Variants in PCDH19 observed in about 807,000 individuals in gnomAD.
The protein encoded by PCDH19 is protocadherin-19.
A neutral mutation model predicts 46.2 loss-of-function variants in PCDH19; 6 were observed. That is an observed-to-expected ratio of 0.13 (90% CI 0.07 to 0.26). The LOEUF (loss-of-function observed/expected upper bound fraction) is 0.26, where lower values mean the gene tolerates loss of function less well. Ranked by LOEUF, PCDH19 falls within the 10% of genes least tolerant of loss-of-function variation. The probability of loss-of-function intolerance (pLI) is 1.00; values close to 1 mark genes in which losing one functional copy is unlikely to be tolerated. For missense variants in PCDH19, 740 were observed against 972.3 expected, an observed-to-expected ratio of 0.76 and a Z score of 3.18; for synonymous variants, 481 against 415.7, an observed-to-expected ratio of 1.16 and a Z score of -1.91.
At chrX:100,372,760 T>C (rs1348508107) in intron 3 of PCDH19, among the ~76,000 whole-genome samples, 1 of 112,389 alleles carries the variant, frequency 8.9e-6, no homozygotes, top group Non-Finnish European at 1.9e-5. Flanking sequence ...TTCTAGCTGG[T>C]GTAGAAGAAA....
At chrX:100,324,549 CA>C (rs1160515805) in intron 5 of PCDH19, among the ~76,000 whole-genome samples, 10 of 111,734 alleles carry the variant, frequency 8.9e-5, no homozygotes, top group Admixed American at 3.8e-4. Flanking sequence ...AATGTCTTAA[CA>C]ATTATCAACT....
intron 3 of PCDH19, among the ~76,000 whole-genome samples, chrX:100,370,993 ATGTGTGTG>A (rs59834814): frequency 1.0e-3 from 100 of 98,381 alleles, no homozygotes; most frequent in Admixed American, 1.5e-3. Flanking sequence ...GTGTGTGTGC[ATGTGTGTG>A]TGTGTGTGTG....
At chrX:100,361,588 T>C (rs1926883026) in intron 3 of PCDH19, among the ~76,000 whole-genome samples, 1 of 112,154 alleles carries the variant, frequency 8.9e-6, no homozygotes, top group African/African-American at 3.2e-5. Context: ...ACAAAAAAAC[T>C]TGCCTTTTCT....
intron 5 of PCDH19, among the ~76,000 whole-genome samples, chrX:100,300,540 G>A (rs952890856): frequency 1.8e-4 from 20 of 111,909 alleles, no homozygotes; most frequent in African/African-American, 6.5e-4. Flanking sequence ...CCTGAACCTA[G>A]GCAAAGCAAA....
chrX:100,405,888 C>T (rs1928331421), intron 1 of PCDH19, among the ~76,000 whole-genome samples: 1 of 111,280 alleles, frequency 9.0e-6, no homozygotes, highest in African/African-American at 3.3e-5. Context: ...CAAGAATAAA[C>T]TAAAAACCAC....
In PCDH19 at chrX:100,409,020, G is replaced by C. The variant is rs111823340; in HGVS notation, c.-423C>G. 1 of 112,357 alleles carries C rather than the reference G, an allele frequency of 8.9e-6. No individual in the cohort carries two copies. The highest frequency in any genetic ancestry group is 3.2e-5 in the African/African-American group (1 of 31,068). 9.3% of individuals were successfully genotyped at this position (112,357 alleles called of 1,213,427 possible). On this transcript the variant is annotated 5_prime_UTR_variant, in exon 1 of 6. Transcript: ENST00000373034. The stretch of plus-strand genomic sequence containing the variant: ...CAGTACTTGAGGCGAAGGTAAAGAG[G>C]GCGGAGGAGGCGCAGCCTTTCAGGC...
intron 5 of PCDH19, among the ~76,000 whole-genome samples, chrX:100,327,126 T>G (rs1925718498): frequency 8.9e-6 from 1 of 111,820 alleles, no homozygotes; most frequent in Admixed American, 9.5e-5. Context: ...AGCAAACAGA[T>G]GAGGGGCTTT....
At chrX:100,393,190 T>G (rs187909090) in intron 3 of PCDH19, among the ~76,000 whole-genome samples, 1 of 110,021 alleles carries the variant, frequency 9.1e-6, no homozygotes, top group Admixed American at 9.7e-5. Context: ...CTCTGAGAGA[T>G]CTATCCTTGA....
chrX:100,374,795 C>T (rs1053564541), intron 3 of PCDH19, among the ~76,000 whole-genome samples: 3 of 110,842 alleles, frequency 2.7e-5, no homozygotes, highest in African/African-American at 6.6e-5. Context: ...AAAAAATAGC[C>T]GGGCATGGTG....
At position 100,408,732 on chromosome X, in the gene PCDH19, C is replaced by T; in HGVS notation, c.-135G>A. The T allele has an allele frequency of 4.8e-6, 2 of 414,427 alleles. No individual in the cohort carries two copies. The highest frequency in any genetic ancestry group is 7.2e-6 in the Non-Finnish European group (2 of 276,214). 34.2% of individuals were successfully genotyped at this position (414,427 alleles called of 1,213,427 possible). A position where few individuals can be genotyped will look rare whatever the true frequency, so the allele number is the denominator to read the frequency against. On this transcript the variant is annotated 5_prime_UTR_variant, in exon 1 of 6. Transcript: ENST00000373034. ...GCCCCGGAGGCCGCGGGAGAAGTCCCGCCCAGGGCGGCCCGGCGGCGCGCG... is the reference window on the plus strand; with the variant it reads ...GCCCCGGAGGCCGCGGGAGAAGTCCTGCCCAGGGCGGCCCGGCGGCGCGCG...
In PCDH19 at chrX:100,379,872, CAT is replaced by C. The variant is rs1459665674; in HGVS notation, c.2616+22650_2616+22651del. The stretch of plus-strand genomic sequence containing the variant: ...CCTAAAACACTATCTTACTGAGCTG[CAT>C]CTGCACACCACCCATTGACATTGGT... On this transcript the variant is annotated intron_variant, in intron 3 of 5. Transcript: ENST00000373034. Among the ~76,000 whole-genome samples, 3 of 111,771 alleles carry C rather than the reference CAT, an allele frequency of 2.7e-5. 1 individual carries two copies. The Admixed American group carries it at 2.8e-4, about 11-fold the overall frequency.
In PCDH19 at chrX:100,331,748, C is replaced by T. The variant is rs139634725; in HGVS notation, c.2848+10155G>A. On this transcript the variant is annotated intron_variant, in intron 5 of 5. Transcript: ENST00000373034. ...AAAGTATAGCACTTTCTCATTCCCT[C>T]ATTCTCTCTCTCTCCTGTCACTTTG... Among the ~76,000 whole-genome samples the T allele has an allele frequency of 9.6e-3, 1,068 of 111,726 alleles. 7 individuals are homozygous for T. Among genetic ancestry groups the T allele is most frequent in the Middle Eastern group, 0.047 (10 of 215 alleles).
At chrX:100,381,821 C>A (rs1236813064) in intron 3 of PCDH19, among the ~76,000 whole-genome samples, 1 of 111,881 alleles carries the variant, frequency 8.9e-6, no homozygotes, top group Admixed American at 9.5e-5. Context: ...ACACAAGCAA[C>A]TAGAAAGCTG....
At chrX:100,322,863 A>T (rs192895640) in intron 5 of PCDH19, among the ~76,000 whole-genome samples, 5,785 of 40,039 alleles carry the variant, frequency 0.14, 827 homozygotes, top group African/African-American at 0.39. Context: ...ATATATATAT[A>T]TATTTTTGCA....
chrX:100,346,474 G>A (rs931200725), intron 4 of PCDH19, among the ~76,000 whole-genome samples: 1 of 111,809 alleles, frequency 8.9e-6, no homozygotes, highest in Non-Finnish European at 1.9e-5. Context: ...AGGTTCTCTA[G>A]GGATGGAGCT....
intron 3 of PCDH19, among the ~76,000 whole-genome samples, chrX:100,372,073 C>T (rs951076167): frequency 9.0e-6 from 1 of 110,871 alleles, no homozygotes; most frequent in Admixed American, 9.6e-5. Context: ...CTCATCTCTA[C>T]TAAAAACACA....
intron 5 of PCDH19, among the ~76,000 whole-genome samples, chrX:100,304,485 G>T (rs1005323031): frequency 1.8e-5 from 2 of 111,641 alleles, no homozygotes; most frequent in Non-Finnish European, 3.8e-5. Flanking sequence ...AGCAGAAAAA[G>T]TATTCTGGTA....
At chrX:100,322,865 A>ATATATATATTTTTTTT in intron 5 of PCDH19, among the ~76,000 whole-genome samples, 30 of 54,389 alleles carry the variant, frequency 5.5e-4, no homozygotes, top group Admixed American at 1.0e-3. Context: ...ATATATATAT[A>ATATATATATTTTTTTT]TTTTTGCAGC....
chrX:100,389,989 T>G (rs1367921783), intron 3 of PCDH19, among the ~76,000 whole-genome samples: 2 of 81,962 alleles, frequency 2.4e-5, no homozygotes, highest in Non-Finnish European at 5.1e-5. Flanking sequence ...AATTTATTTT[T>G]GTCATATAGT....
Sources: allele counts gnomAD v4.1 joint callset (sites outside exome capture counted in the v4.1 genomes callset), GRCh38; gene constraint gnomAD v4.1.1; transcripts MANE v1.5; gene names NCBI Gene and HGNC (gene_info 2026-07-23, HGNC 2026-07-21).